The following NDST3 variants were observed in gnomAD, a reference collection of about 807,000 sequenced individuals.
NDST3 encodes bifunctional heparan sulfate N-deacetylase/N-sulfotransferase 3.
NDST3 carries 58 observed loss-of-function variants against 96.1 expected under a neutral mutation model. The ratio of observed to expected loss-of-function variants is 0.60; its 90% CI spans 0.49 to 0.75. The LOEUF (loss-of-function observed/expected upper bound fraction) is 0.75, where lower values mean the gene tolerates loss of function less well. Ranked by LOEUF, NDST3 falls within the 30% of genes least tolerant of loss-of-function variation. The pLI, the probability that NDST3 is intolerant of heterozygous loss-of-function variation, is 0.00. For missense variants in NDST3, 788 were observed against 1,034.2 expected, an observed-to-expected ratio of 0.76 and a Z score of 3.27; for synonymous variants, 333 against 359.7, an observed-to-expected ratio of 0.93 and a Z score of 0.84.
chr4:118,180,310 T>C (rs1181841755), intron 6 of NDST3, among the ~76,000 whole-genome samples: 2 of 152,132 alleles, frequency 1.3e-5, no homozygotes, highest in Non-Finnish European at 2.9e-5. Context: ...TTTATGACCA[T>C]GAGTATCCAA....
chr4:118,218,554 G>C (rs1295550090), intron 6 of NDST3, among the ~76,000 whole-genome samples: 1 of 152,010 alleles, frequency 6.6e-6, no homozygotes, highest in Non-Finnish European at 1.5e-5. Flanking sequence ...AAAATAATGA[G>C]AGCTATTTAT....
At position 118,237,051 on chromosome 4, in the gene NDST3, T is replaced by C. The variant is rs1375546700; in HGVS notation, c.1949T>C (p.Met650Thr). ...GAAAAATATTCCTTTTCTAGGTATA[T>C]GGATTTCTTCCCAGTCCCATCTAAT... ...NNYHRGIDWY[M>T]DFFPVPSNVT... The change falls in exon 10 of 14, where the codon ATG becomes ACG. Residue 650 changes from methionine to threonine, a missense_variant. By Grantham distance (81) the Met-to-Thr change is moderately conservative (BLOSUM62 -1). Coordinates refer to ENST00000296499, the MANE Select transcript of NDST3 (RefSeq NM_004784.3). The C allele has an allele frequency of 1.3e-6, 2 of 1,598,370 alleles. No individual in the cohort carries two copies. Among genetic ancestry groups the C allele is most frequent in the Non-Finnish European group, 1.7e-6 (2 of 1,171,846 alleles).
chr4:118,063,001 A>T (rs1238859050), intron 2 of NDST3, among the ~76,000 whole-genome samples: 2 of 151,890 alleles, frequency 1.3e-5, no homozygotes, highest in Non-Finnish European at 2.9e-5. Context: ...GACCAGCTTG[A>T]CCAACATGGA....
intron 12 of NDST3, among the ~76,000 whole-genome samples, chr4:118,247,203 G>T (rs1301971311): frequency 8.4e-5 from 2 of 23,878 alleles, no homozygotes; most frequent in African/African-American, 3.1e-4. Flanking sequence ...CACCAGGGGG[G>T]TTTAAAAAAA....
intron 6 of NDST3, among the ~76,000 whole-genome samples, chr4:118,198,891 G>A (rs2125976660): frequency 6.6e-6 from 1 of 151,802 alleles, no homozygotes; most frequent in Non-Finnish European, 1.5e-5. Context: ...ACTCTCTCTT[G>A]GCCTGTAAGG....
chr4:118,179,697 T>G, intron 6 of NDST3, among the ~76,000 whole-genome samples: 1 of 151,944 alleles, frequency 6.6e-6, no homozygotes, highest in East Asian at 1.9e-4. Flanking sequence ...CCTGTGCCCA[T>G]CCCTATAAGC....
intron 4 of NDST3, among the ~76,000 whole-genome samples, chr4:118,118,988 T>C (rs759263767): frequency 1.3e-5 from 2 of 152,212 alleles, no homozygotes; most frequent in Non-Finnish European, 2.9e-5. Flanking sequence ...AAATAGTTAA[T>C]AGATATTTCT....
At chr4:118,237,934 CA>C (rs1740747552) in intron 10 of NDST3, among the ~76,000 whole-genome samples, 1 of 151,964 alleles carries the variant, frequency 6.6e-6, no homozygotes, top group African/African-American at 2.4e-5. Flanking sequence ...AGTTCAAGAC[CA>C]GCCTGGGCAA....
chr4:118,155,203 G>C (rs569360432), intron 6 of NDST3, among the ~76,000 whole-genome samples: 1 of 152,158 alleles, frequency 6.6e-6, no homozygotes, highest in South Asian at 2.1e-4. Context: ...ACTAACTGTG[G>C]TGTTAGATAC....
At chr4:118,213,795 TTC>T (rs1193850300) in intron 6 of NDST3, among the ~76,000 whole-genome samples, 3 of 150,774 alleles carry the variant, frequency 2.0e-5, no homozygotes, top group African/African-American at 7.4e-5. Flanking sequence ...CAGAATTTTT[TTC>T]TTTTTTGACA....
chr4:118,212,011 G>A (rs1434540043), intron 6 of NDST3, among the ~76,000 whole-genome samples: 1 of 152,052 alleles, frequency 6.6e-6, no homozygotes, highest in African/African-American at 2.4e-5. Context: ...TGGGACCACT[G>A]TTTCTTTCCA....
chr4:118,232,683 G>GGAAAGAAA (rs201457518), intron 8 of NDST3, among the ~76,000 whole-genome samples: 2,055 of 150,064 alleles, frequency 0.014, 24 homozygotes, highest in Middle Eastern at 0.027. Flanking sequence ...GAAAAGAAAA[G>GGAAAGAAA]GAAAGAAACA....
At chr4:118,194,976 C>T (rs901967173) in intron 6 of NDST3, among the ~76,000 whole-genome samples, 2 of 152,078 alleles carry the variant, frequency 1.3e-5, no homozygotes, top group African/African-American at 4.8e-5. Context: ...TTTGACTATT[C>T]TGGATCTTTT....
At chr4:118,158,921 C>T (rs1418289519) in intron 6 of NDST3, among the ~76,000 whole-genome samples, 2 of 152,124 alleles carry the variant, frequency 1.3e-5, no homozygotes, top group African/African-American at 4.8e-5. Context: ...AATCCAGAAA[C>T]AAATTAAGAC....
chr4:118,177,786 G>C (rs552151637), intron 6 of NDST3, among the ~76,000 whole-genome samples: 3 of 151,968 alleles, frequency 2.0e-5, no homozygotes, highest in Non-Finnish European at 4.4e-5. Flanking sequence ...ACATTCTTAT[G>C]AGTCTTGAAG....
intron 12 of NDST3, among the ~76,000 whole-genome samples, chr4:118,243,455 CCT>C (rs1741129446): frequency 1.3e-5 from 2 of 152,134 alleles, no homozygotes; most frequent in Non-Finnish European, 1.5e-5. Context: ...AACCTTCTGA[CCT>C]CTGTGTTTTC....
intron 6 of NDST3, among the ~76,000 whole-genome samples, chr4:118,211,868 T>C (rs958123717): frequency 6.6e-5 from 10 of 152,192 alleles, no homozygotes; most frequent in South Asian, 2.1e-4. Flanking sequence ...TGTGCCTGTG[T>C]CAAGGAGTCC....
chr4:118,255,471 A>G (rs1742056398), intron 13 of NDST3, 122 bp from the exon 14 acceptor site: 1 of 1,021,188 alleles, frequency 9.8e-7, no homozygotes, highest in Non-Finnish European at 1.4e-6. Context: ...TAAATAGTCC[A>G]TATGCTTAAT....
chr4:118,204,984 T>C lies in NDST3; in HGVS notation c.1540-19507T>C, dbSNP rs941622174. ...TATCTGTGTACAAGTAATTGGCTTA[T>C]TATATTAAAGTTGCTTTTTACTTCA... On this transcript the variant is annotated intron_variant, in intron 6 of 13. Coordinates refer to ENST00000296499, the MANE Select transcript of NDST3 (RefSeq NM_004784.3). Among the ~76,000 whole-genome samples, 11 of 144,786 alleles carry C rather than the reference T, an allele frequency of 7.6e-5. 2 individuals carry two copies. The highest frequency in any genetic ancestry group is 1.5e-4 in the Non-Finnish European group (10 of 65,306). 95.0% of individuals were successfully genotyped at this position (144,786 alleles called of 152,430 possible).
Sources: allele counts gnomAD v4.1 joint callset (sites outside exome capture counted in the v4.1 genomes callset), GRCh38; gene constraint gnomAD v4.1.1; transcripts MANE v1.5; gene names NCBI Gene and HGNC (gene_info 2026-07-23, HGNC 2026-07-21).